The following MEI4 variants were observed in gnomAD, a reference collection of about 807,000 sequenced individuals.
MEI4 encodes meiosis-specific protein MEI4.
In MEI4, 27 loss-of-function variants were observed where a neutral mutation model predicts 31.4. The observed-to-expected ratio is 0.86, with a 90% CI of 0.63 to 1.19. MEI4 has a LOEUF of 1.19. Among genes scored for constraint, MEI4 ranks in the 50% most tolerant of loss-of-function variants. The pLI, the probability that MEI4 is intolerant of heterozygous loss-of-function variation, is 0.00. For missense variants in MEI4, 329 were observed against 398.9 expected (o/e 0.82, Z 1.49); for synonymous variants, 122 against 145.4 (o/e 0.84, Z 1.16).
chr6:77,741,665 A>G (rs891101103), intron 2 of MEI4, among the ~76,000 whole-genome samples: 1 of 151,840 alleles, frequency 6.6e-6, no homozygotes, highest in Non-Finnish European at 1.5e-5. Context: ...CATGTGCACA[A>G]TGTGCAGGTT....
At chr6:77,803,652 T>G (rs1376220379) in intron 3 of MEI4, among the ~76,000 whole-genome samples, 2 of 152,152 alleles carry the variant, frequency 1.3e-5, no homozygotes, top group East Asian at 3.9e-4. Flanking sequence ...GGTGTTTTGG[T>G]GTGGATGTCC....
intron 4 of MEI4, among the ~76,000 whole-genome samples, chr6:77,887,759 G>A (rs188525908): frequency 6.6e-6 from 1 of 152,116 alleles, no homozygotes; most frequent in Admixed American, 6.5e-5. Context: ...TGCAGCTGTT[G>A]GATAAAATAT....
At chr6:77,915,078 C>T (rs1464050508) in intron 4 of MEI4, among the ~76,000 whole-genome samples, 1 of 151,972 alleles carries the variant, frequency 6.6e-6, no homozygotes, top group Non-Finnish European at 1.5e-5. Flanking sequence ...TATGTGATGG[C>T]TTATTCCTGC....
chr6:77,815,480 T>C (rs1406479819), intron 3 of MEI4, among the ~76,000 whole-genome samples: 2 of 152,138 alleles, frequency 1.3e-5, no homozygotes, highest in Admixed American at 6.6e-5. Flanking sequence ...TTAGTAGTGA[T>C]CTAAGGTGAT....
intron 4 of MEI4, among the ~76,000 whole-genome samples, chr6:77,861,558 G>A (rs1483055): frequency 0.83 from 125,618 of 152,118 alleles, 52,387 homozygotes; most frequent in East Asian, 0.95. Flanking sequence ...ATTCTTTTAT[G>A]AATTTTAATA....
At chr6:77,840,591 A>G (rs564060070) in intron 4 of MEI4, among the ~76,000 whole-genome samples, 2 of 152,238 alleles carry the variant, frequency 1.3e-5, no homozygotes, top group South Asian at 4.1e-4. Flanking sequence ...TTCTCCTTTT[A>G]TATTTAATTT....
chr6:77,922,994 TATTTCGTTTGCCTG>T, intron 4 of MEI4, 81 bp from the exon 5 acceptor site: 1 of 669,756 alleles, frequency 1.5e-6, no homozygotes, highest in Admixed American at 4.4e-5. Flanking sequence ...ATTTCAAATA[TATTTCGTTTGCCTG>T]AAACTCTGAT....
At chr6:77,734,673 T>C (rs1213700254) in intron 2 of MEI4, among the ~76,000 whole-genome samples, 2 of 152,020 alleles carry the variant, frequency 1.3e-5, no homozygotes, top group East Asian at 1.9e-4. Context: ...AATTTGATCC[T>C]GTCATTATGT....
chr6:77,682,541 T>C (rs1282967272), intron 1 of MEI4, among the ~76,000 whole-genome samples: 2 of 152,196 alleles, frequency 1.3e-5, no homozygotes, highest in Non-Finnish European at 2.9e-5. Flanking sequence ...GGTTAACTAA[T>C]TAAGTTCCCT....
At chr6:77,873,422 A>G (rs939779770) in intron 4 of MEI4, among the ~76,000 whole-genome samples, 8 of 152,040 alleles carry the variant, frequency 5.3e-5, no homozygotes, top group African/African-American at 1.7e-4. Flanking sequence ...GTGTCTGTTC[A>G]TGTCCTTTGC....
chr6:77,751,142 C>T (rs1397756076), intron 2 of MEI4, among the ~76,000 whole-genome samples: 1 of 152,086 alleles, frequency 6.6e-6, no homozygotes, highest in African/African-American at 2.4e-5. Flanking sequence ...ATGTATAGCA[C>T]TAAATGCCCA....
intron 3 of MEI4, among the ~76,000 whole-genome samples, chr6:77,768,268 A>G (rs1229684034): frequency 6.6e-6 from 1 of 152,200 alleles, no homozygotes; most frequent in Non-Finnish European, 1.5e-5. Context: ...GTGCAAAGGA[A>G]ATAAACTGAC....
intron 2 of MEI4, among the ~76,000 whole-genome samples, chr6:77,745,815 C>G: frequency 6.6e-6 from 1 of 152,178 alleles, no homozygotes; most frequent in Non-Finnish European, 1.5e-5. Flanking sequence ...GCTTAAGAAT[C>G]TCACTCAAAA....
chr6:77,789,391 C>T lies in MEI4; in HGVS notation c.768+27726C>T, dbSNP rs554750113. On this transcript the variant is annotated intron_variant, in intron 3 of 4. Coordinates refer to ENST00000684080, the MANE Select transcript of MEI4 (RefSeq NM_001322247.2). ...CACCAAAAGCAATGACAACAAAAGC[C>T]AAAATTTACAAATGGGATCTAATTA... is the stretch of plus-strand genomic sequence containing the variant. Among the ~76,000 whole-genome samples the T allele has an allele frequency of 2.2e-4, 34 of 152,262 alleles. 1 individual carries two copies. The highest frequency in any genetic ancestry group is 8.2e-4 in the African/African-American group (34 of 41,558).
intron 3 of MEI4, among the ~76,000 whole-genome samples, chr6:77,784,836 A>G (rs1768691532): frequency 6.6e-6 from 1 of 152,158 alleles, no homozygotes. Context: ...ATAATTGGCC[A>G]TCTGAGTCCT....
intron 4 of MEI4, among the ~76,000 whole-genome samples, chr6:77,910,756 T>C (rs1766415849): frequency 6.6e-6 from 1 of 152,134 alleles, no homozygotes; most frequent in Non-Finnish European, 1.5e-5. Context: ...TTTGAGATAC[T>C]GATTTAATTT....
rs183894518 is a variant in MEI4, at chr6:77,776,205, C to G, written c.768+14540C>G. On this transcript the variant is annotated intron_variant, in intron 3 of 4. Coordinates refer to ENST00000684080, the MANE Select transcript of MEI4 (RefSeq NM_001322247.2). ...TTTTTGTTTTTTTGCTGTGTAGAAG[C>G]AAAGACTCTTTTTCTAAATAAAGTG... Among the ~76,000 whole-genome samples the G allele has an allele frequency of 4.3e-4, 65 of 151,250 alleles. 1 individual carries two copies. The East Asian group carries it at 0.01, about 24-fold the overall frequency.
chr6:77,784,006 G>A (rs559829803), intron 3 of MEI4, among the ~76,000 whole-genome samples: 201 of 152,224 alleles, frequency 1.3e-3, no homozygotes, highest in Admixed American at 3.0e-3. Context: ...AACCGCTACA[G>A]AGAACTCCAG....
At chr6:77,753,111 T>C (rs1197345197) in intron 2 of MEI4, among the ~76,000 whole-genome samples, 4 of 152,142 alleles carry the variant, frequency 2.6e-5, no homozygotes, top group South Asian at 2.1e-4. Context: ...TCAAGATGGA[T>C]TGAAGAATTA....
Sources: allele counts gnomAD v4.1 joint callset (sites outside exome capture counted in the v4.1 genomes callset), GRCh38; gene constraint gnomAD v4.1.1; transcripts MANE v1.5; gene names NCBI Gene and HGNC (gene_info 2026-07-23, HGNC 2026-07-21).